The following CABIN1 variants were observed in gnomAD, a reference collection of about 807,000 sequenced individuals.
CABIN1 encodes the protein calcineurin-binding protein cabin-1.
CABIN1 carries 133 observed loss-of-function variants against 227.7 expected under a neutral mutation model. The observed-to-expected ratio is 0.58, with a 90% CI of 0.51 to 0.67. The LOEUF (loss-of-function observed/expected upper bound fraction) is 0.67. Among genes scored for constraint, CABIN1 ranks in the 30% least tolerant of loss-of-function variants. The pLI is 0.00. For missense variants in CABIN1, 2,408 were observed against 2,852.5 expected, an observed-to-expected ratio of 0.84 and a Z score of 3.55; for synonymous variants, 1,086 against 1,155.1, an observed-to-expected ratio of 0.94 and a Z score of 1.21.
intron 28 of CABIN1, among the ~76,000 whole-genome samples, chr22:24,123,127 G>C (rs2043518365): frequency 6.6e-6 from 1 of 152,160 alleles, no homozygotes; most frequent in African/African-American, 2.4e-5. Context: ...AGGCGGGCCA[G>C]TTGACCCAGC....
At chr22:24,114,599 C>G (rs765059589) in intron 27 of CABIN1, among the ~76,000 whole-genome samples, 1 of 152,178 alleles carries the variant, frequency 6.6e-6, no homozygotes, top group Non-Finnish European at 1.5e-5. Flanking sequence ...CACCCTTAAC[C>G]ATTACCCCAC....
chr22:24,177,685 G>A lies in CABIN1; in HGVS notation c.6387G>A (p.Leu2129=). The change falls in exon 36 of 37, where the codon CTG becomes CTA. Residue 2129 remains leucine (L), a synonymous_variant. Transcript: ENST00000263119. This position sits in a 1 kb window ranked among gnomAD's most constrained non-coding sequence, Gnocchi z 4.4. ...CCAGCCGGGCTAAGTCCCGCCCCCT[G>A]CCCAACATGCCAAAGCTGGTCATCC... The part of the protein sequence containing the change: ...PEPSRAKSRP[L]PNMPKLVIPS... 6.2e-7 allele frequency: 1 copy of A among 1,613,756 alleles called. No homozygotes were observed. The highest frequency in any genetic ancestry group is 8.5e-7 in the Non-Finnish European group (1 of 1,179,836).
chr22:24,056,286 T>C lies in CABIN1; in HGVS notation c.1188T>C (p.Arg396=). The C allele has an allele frequency of 6.2e-7, 1 of 1,614,040 alleles. No homozygotes were observed. The highest frequency in any genetic ancestry group is 1.1e-5 in the South Asian group (1 of 91,076). Residue 396 remains arginine, a synonymous_variant, in exon 10 of 37, where the codon CGT becomes CGC. Coordinates refer to ENST00000263119, the MANE Select transcript of CABIN1 (RefSeq NM_012295.4). ...AAACAGCAAAGCGGCGGTCTGCCCGTGTCCGAAACACCAAGTGCAAAAAAG... is the reference window on the plus strand; with the variant it reads ...AAACAGCAAAGCGGCGGTCTGCCCGCGTCCGAAACACCAAGTGCAAAAAAG... ...SGETAKRRSA[R]VRNTKCKKEE... is the part of the protein sequence containing the mutation.
chr22:24,165,722 T>TA, intron 31 of CABIN1, 96 bp downstream of exon 31: 1 of 989,088 alleles, frequency 1.0e-6, no homozygotes, highest in South Asian at 1.4e-5. Flanking sequence ...TGCATACCCT[T>TA]AGGCAGGATG....
rs1569142685 is a variant in CABIN1 at position 24,059,223 on chromosome 22, G to A, written c.1263-4G>A. On this transcript the variant is annotated splice_region_variant and splice_polypyrimidine_tract_variant and intron_variant, in intron 10 of 36. Coordinates refer to ENST00000263119, the MANE Select transcript of CABIN1 (RefSeq NM_012295.4). ...ACTTTGTGATTTTGGCATGTTACAT[G>A]CAGGTTAAGAAAGCTGGACCCTGAG... The A allele has an allele frequency of 6.2e-7, 1 of 1,614,192 alleles. No homozygotes were observed. The highest frequency in any genetic ancestry group is 8.5e-7 in the Non-Finnish European group (1 of 1,180,030).
intron 4 of CABIN1, among the ~76,000 whole-genome samples, chr22:24,040,407 C>G (rs2037275893): frequency 6.6e-6 from 1 of 152,142 alleles, no homozygotes; most frequent in Non-Finnish European, 1.5e-5. Flanking sequence ...GCCACCTGCC[C>G]CAGGAAAGAG....
intron 8 of CABIN1, among the ~76,000 whole-genome samples, chr22:24,054,213 C>T (rs1282364768): frequency 2.0e-5 from 3 of 152,108 alleles, no homozygotes; most frequent in Non-Finnish European, 2.9e-5. Context: ...TGTAGCATAC[C>T]ACGCAGCATA....
intron 1 of CABIN1, 54 bp downstream of exon 1, chr22:24,011,421 A>C (rs1305864457): frequency 3.9e-5 from 6 of 153,070 alleles, no homozygotes; most frequent in Non-Finnish European, 8.7e-5. Context: ...GGTGAGGCTC[A>C]GCAGAGCCCG....
chr22:24,162,844 T>C (rs1204640950), intron 29 of CABIN1, among the ~76,000 whole-genome samples: 1 of 152,242 alleles, frequency 6.6e-6, no homozygotes, highest in African/African-American at 2.4e-5. Context: ...GTGTGTGTGA[T>C]GCAAACTAGA....
chr22:24,136,524 A>AT (rs145864566), intron 29 of CABIN1, among the ~76,000 whole-genome samples: 2,495 of 69,868 alleles, frequency 0.036, 120 homozygotes, highest in Admixed American at 0.11. Context: ...TAATTTTTGT[A>AT]TTTTTTTTTT....
Position 24,098,029 on chromosome 22 carries a change from G to A in CABIN1, c.3954G>A (p.Leu1318=). The A allele has an allele frequency of 6.2e-7, 1 of 1,614,202 alleles. No individual in the cohort carries two copies. Among genetic ancestry groups the A allele is most frequent in the South Asian group, 1.1e-5 (1 of 91,086 alleles). ...PKASEKEKAC[L]VDEDSHSSAG... ...GTTCCCACAGGGAGAAGGCCTGCCT[G>A]GTGGACGAGGACTCCCACTCTTCAG... The change falls in exon 26 of 37, where the codon CTG becomes CTA. Residue 1318 remains leucine, a synonymous_variant. Coordinates refer to ENST00000263119, the MANE Select transcript of CABIN1 (RefSeq NM_012295.4).
intron 29 of CABIN1, among the ~76,000 whole-genome samples, chr22:24,137,667 A>G (rs1453298143): frequency 2.0e-5 from 3 of 152,154 alleles, no homozygotes; most frequent in Non-Finnish European, 4.4e-5. Context: ...TTCTCTTTAG[A>G]GATAGGTTTG....
At chr22:24,038,539 C>A in intron 4 of CABIN1, 78 bp downstream of exon 4, 1 of 962,372 alleles carries the variant, frequency 1.0e-6, no homozygotes, top group Non-Finnish European at 1.7e-6. Context: ...TGGGCCTTAC[C>A]TCTGCTCTCC....
At chr22:24,144,876 G>C (rs2045008986) in intron 29 of CABIN1, among the ~76,000 whole-genome samples, 1 of 152,248 alleles carries the variant, frequency 6.6e-6, no homozygotes, top group South Asian at 2.1e-4. Flanking sequence ...GTTGGATCCT[G>C]CCTGAGCCCC....
intron 29 of CABIN1, chr22:24,155,727 T>G: frequency 3.1e-6 from 1 of 324,274 alleles, no homozygotes; most frequent in East Asian, 5.1e-5. Context: ...AGAGGGGGGA[T>G]ATAACCCTCA....
chr22:24,110,681 G>T, intron 26 of CABIN1, among the ~76,000 whole-genome samples: 1 of 151,658 alleles, frequency 6.6e-6, no homozygotes. Flanking sequence ...ACTGAGTATA[G>T]AATCTTGAGT....
Position 24,119,279 on chromosome 22 carries a change from C to T in CABIN1, c.4301-88C>T. On this transcript the variant is annotated intron_variant, in intron 27 of 36. Transcript: ENST00000263119. ...TGATCCAGCCGTGCTGATCACTTCA[C>T]CAAGGCGCCTCCGTTACTGGTGGTA... 4.3e-6 allele frequency: 5 copies of T among 1,162,552 alleles called. No homozygotes were observed. The South Asian group carries it at 4.9e-5, about 11-fold the overall frequency. The allele number at this position is 1,162,552 out of a possible 1,614,324, so 72.0% of individuals were successfully genotyped here. A position where few individuals can be genotyped will look rare whatever the true frequency, so the allele number is the denominator to read the frequency against.
intron 18 of CABIN1, among the ~76,000 whole-genome samples, 167 bp from the exon 19 acceptor site, chr22:24,076,002 A>G (rs2040412839): frequency 6.7e-6 from 1 of 150,086 alleles, no homozygotes; most frequent in Non-Finnish European, 1.5e-5. Context: ...CAGTCAAGTC[A>G]CTACTTATTT....
At chr22:24,067,210 A>T (rs1227901735) in intron 16 of CABIN1, 29 bp downstream of exon 16, 1 of 1,608,996 alleles carries the variant, frequency 6.2e-7, no homozygotes. Context: ...CCTCACACCC[A>T]CTTGCACCTT....
Sources: gnomAD v4.1 joint callset for allele counts (sites outside exome capture counted in the v4.1 genomes callset) on GRCh38, gnomAD v4.1.1 for gene constraint, Gnocchi (gnomAD v3.1) non-coding constraint, MANE v1.5 for transcripts, NCBI Gene and HGNC (gene_info 2026-07-23, HGNC 2026-07-21) for gene names.